Variants in RBFOX1 observed in about 807,000 individuals in gnomAD.
The protein encoded by RBFOX1 is RNA binding protein fox-1 homolog 1.
In RBFOX1, 8 loss-of-function variants were observed where a neutral mutation model predicts 57.7. The ratio of observed to expected loss-of-function variants is 0.14; its 90% CI spans 0.08 to 0.25. The LOEUF (loss-of-function observed/expected upper bound fraction) is 0.25, where lower values mean the gene tolerates loss of function less well. RBFOX1 is among the 10% of genes least tolerant of loss of function. RBFOX1 has a pLI of 1.00. For missense variants in RBFOX1, 611 were observed against 548.5 expected (o/e 1.11, Z -1.14); for synonymous variants, 326 against 222.4 (o/e 1.47, Z -4.15).
intron 1 of RBFOX1, among the ~76,000 whole-genome samples, chr16:5,269,478 T>C (rs2151118779): frequency 6.6e-6 from 1 of 152,356 alleles, no homozygotes; most frequent in African/African-American, 2.4e-5. Flanking sequence ...CAAATGCCCA[T>C]CACCAGATGA....
intron 4 of RBFOX1, among the ~76,000 whole-genome samples, chr16:7,400,462 T>C (rs976426763): frequency 6.6e-6 from 1 of 152,116 alleles, no homozygotes; most frequent in Non-Finnish European, 1.5e-5. Context: ...CCAGGTTGCT[T>C]TTTTTTAATT....
At chr16:6,563,612 G>A (rs1394393444) in intron 2 of RBFOX1, among the ~76,000 whole-genome samples, 2 of 152,270 alleles carry the variant, frequency 1.3e-5, no homozygotes, top group East Asian at 3.9e-4. Context: ...GCGAGGCCAA[G>A]GTAGGCAGAT....
chr16:6,680,996 G>A (rs890104826), intron 3 of RBFOX1, among the ~76,000 whole-genome samples: 2 of 152,124 alleles, frequency 1.3e-5, no homozygotes, highest in Non-Finnish European at 1.5e-5. Context: ...TCAAATTTCT[G>A]TACTGGTCTC....
intron 3 of RBFOX1, among the ~76,000 whole-genome samples, chr16:7,009,380 A>G (rs1350612686): frequency 6.6e-6 from 1 of 151,572 alleles, no homozygotes; most frequent in African/African-American, 2.4e-5. Flanking sequence ...GAAGCACCTT[A>G]AAATGAAAAA....
intron 2 of RBFOX1, among the ~76,000 whole-genome samples, chr16:6,553,636 A>G (rs76914639): frequency 0.014 from 2,172 of 152,112 alleles, 66 homozygotes; most frequent in African/African-American, 0.05. Flanking sequence ...GGGATGGACG[A>G]TCTCTCTCAG....
intron 3 of RBFOX1, among the ~76,000 whole-genome samples, chr16:6,711,729 G>A (rs147035913): frequency 3.5e-4 from 53 of 152,162 alleles, no homozygotes; most frequent in Non-Finnish European, 6.8e-4. Context: ...AGAATGGACC[G>A]ATACACTCCT....
intron 2 of RBFOX1, among the ~76,000 whole-genome samples, chr16:6,377,607 C>T (rs1198194678): frequency 6.6e-6 from 1 of 152,120 alleles, no homozygotes; most frequent in Non-Finnish European, 1.5e-5. Flanking sequence ...TCTGTGCCGA[C>T]AGAAATGGAA....
chr16:7,589,024 A>T (rs2094293133), intron 7 of RBFOX1, among the ~76,000 whole-genome samples: 1 of 152,198 alleles, frequency 6.6e-6, no homozygotes, highest in South Asian at 2.1e-4. Context: ...TCGTTCTCGA[A>T]CTTAAGTCTC....
intron 3 of RBFOX1, among the ~76,000 whole-genome samples, chr16:5,767,140 C>T (rs766301764): frequency 2.6e-5 from 4 of 152,190 alleles, no homozygotes; most frequent in African/African-American, 4.8e-5. Context: ...TACCTAGGGC[C>T]GGGCATTCAG....
chr16:5,390,488 C>T (rs1176859705), intron 1 of RBFOX1, among the ~76,000 whole-genome samples: 1 of 151,948 alleles, frequency 6.6e-6, no homozygotes, highest in African/African-American at 2.4e-5. Flanking sequence ...GGGGTTTCAC[C>T]GTGTTGGCCA....
intron 1 of RBFOX1, among the ~76,000 whole-genome samples, chr16:6,282,232 C>T (rs2076450097): frequency 6.6e-6 from 1 of 151,994 alleles, no homozygotes; most frequent in Non-Finnish European, 1.5e-5. Context: ...GATGGACATG[C>T]TGTAATCTTA....
chr16:6,742,375 T>C (rs1300169239), intron 3 of RBFOX1, among the ~76,000 whole-genome samples: 1 of 152,206 alleles, frequency 6.6e-6, no homozygotes, highest in East Asian at 1.9e-4. Flanking sequence ...TCTCATATAC[T>C]GATGATGGCA....
At chr16:7,289,016 A>G (rs1212283924) in intron 4 of RBFOX1, among the ~76,000 whole-genome samples, 1 of 152,176 alleles carries the variant, frequency 6.6e-6, no homozygotes, top group Non-Finnish European at 1.5e-5. Context: ...AAGTATGGGC[A>G]CCCTGGAGGT....
At chr16:6,001,229 C>G (rs1172381513) in intron 4 of RBFOX1, among the ~76,000 whole-genome samples, 1 of 152,304 alleles carries the variant, frequency 6.6e-6, no homozygotes, top group African/African-American at 2.4e-5. Context: ...CTGGAGCTCT[C>G]CAGTGGCTGA....
chr16:6,981,355 C>A (rs991418463), intron 3 of RBFOX1, among the ~76,000 whole-genome samples: 1 of 152,018 alleles, frequency 6.6e-6, no homozygotes, highest in South Asian at 2.1e-4. Context: ...CTTTACTTTT[C>A]TGTTTCTGTG....
chr16:6,977,918 C>G (rs1001603487), intron 3 of RBFOX1, among the ~76,000 whole-genome samples: 1 of 144,500 alleles, frequency 6.9e-6, no homozygotes, highest in Non-Finnish European at 1.5e-5. Flanking sequence ...AGGAAACTGC[C>G]TCTTCCAGCC....
At chr16:6,536,362 G>C (rs957170036) in intron 2 of RBFOX1, among the ~76,000 whole-genome samples, 6 of 152,148 alleles carry the variant, frequency 3.9e-5, no homozygotes, top group Non-Finnish European at 8.8e-5. Context: ...CAATTGAGTA[G>C]ATTCAATTGA....
At chr16:5,972,156 T>A (rs921796242) in intron 4 of RBFOX1, among the ~76,000 whole-genome samples, 1 of 152,214 alleles carries the variant, frequency 6.6e-6, no homozygotes, top group Non-Finnish European at 1.5e-5. Flanking sequence ...TTGGTCTCCA[T>A]AATTGTGTGA....
chr16:7,372,525 G>C (rs562435979), intron 4 of RBFOX1, among the ~76,000 whole-genome samples: 1 of 152,152 alleles, frequency 6.6e-6, no homozygotes, highest in Admixed American at 6.5e-5. Context: ...TGCCAACCCT[G>C]ATTGATTAGT....
Sources: gnomAD v4.1 joint callset for allele counts (sites outside exome capture counted in the v4.1 genomes callset) on GRCh38, gnomAD v4.1.1 for gene constraint, MANE v1.5 for transcripts, NCBI Gene and HGNC (gene_info 2026-07-23, HGNC 2026-07-21) for gene names.